RBFOX1: variants seen among roughly 807,000 people sequenced by gnomAD.
RBFOX1 encodes RNA binding protein fox-1 homolog 1.
RBFOX1 carries 8 observed loss-of-function variants against 57.7 expected under a neutral mutation model. The ratio of observed to expected loss-of-function variants is 0.14; its 90% confidence interval spans 0.08 to 0.25. The LOEUF (loss-of-function observed/expected upper bound fraction) is 0.25. Ranked by LOEUF, RBFOX1 falls within the 10% of genes least tolerant of loss-of-function variation. The pLI is 1.00. For missense variants in RBFOX1, 611 were observed against 548.5 expected, an observed-to-expected ratio of 1.11 and a Z score of -1.14; for synonymous variants, 326 against 222.4, an observed-to-expected ratio of 1.47 and a Z score of -4.15.
chr16:7,468,997 C>T (rs898631681), intron 4 of RBFOX1, among the ~76,000 whole-genome samples: 2 of 151,930 alleles, frequency 1.3e-5, no homozygotes, highest in Admixed American at 1.3e-4. Flanking sequence ...GCAGTGTTGC[C>T]ATCTCGGCTC....
chr16:7,705,285 T>C (rs143327194), intron 14 of RBFOX1, among the ~76,000 whole-genome samples: 3,639 of 152,142 alleles, frequency 0.024, 136 homozygotes, highest in African/African-American at 0.077. Flanking sequence ...GGCAGGAGGA[T>C]CACGAGGTCA....
chr16:7,117,130 A>G (rs926697915), intron 4 of RBFOX1, among the ~76,000 whole-genome samples: 2 of 152,142 alleles, frequency 1.3e-5, no homozygotes, highest in Admixed American at 1.3e-4. Context: ...AGTAGGGTTG[A>G]AGAAAAGATA....
intron 2 of RBFOX1, among the ~76,000 whole-genome samples, chr16:6,623,445 T>TC (rs1567928996): frequency 5.6e-5 from 3 of 53,242 alleles, no homozygotes; most frequent in Non-Finnish European, 1.6e-4. Flanking sequence ...TGAAAATTCT[T>TC]TTTTTTTTTT....
intron 4 of RBFOX1, among the ~76,000 whole-genome samples, chr16:7,353,470 G>C (rs1003960860): frequency 6.6e-6 from 1 of 152,114 alleles, no homozygotes; most frequent in African/African-American, 2.4e-5. Flanking sequence ...ATATATTCAA[G>C]ATAATTAAAA....
intron 4 of RBFOX1, among the ~76,000 whole-genome samples, chr16:7,301,790 A>T (rs945200001): frequency 6.6e-6 from 1 of 152,176 alleles, no homozygotes; most frequent in Non-Finnish European, 1.5e-5. Context: ...CGTACAGCAG[A>T]TTGCTTGACG....
chr16:6,921,354 C>T (rs1352228293), intron 3 of RBFOX1, among the ~76,000 whole-genome samples: 3 of 152,166 alleles, frequency 2.0e-5, no homozygotes, highest in East Asian at 1.9e-4. Context: ...GTTGTGTTCA[C>T]ATTTGGAGGC....
chr16:6,104,520 T>A (rs773504405), intron 1 of RBFOX1, among the ~76,000 whole-genome samples: 51 of 152,186 alleles, frequency 3.4e-4, no homozygotes, highest in Admixed American at 5.9e-4. Flanking sequence ...TTTAGAACAC[T>A]GTCCTCTCCT....
At chr16:7,470,594 G>A (rs140438423) in intron 4 of RBFOX1, among the ~76,000 whole-genome samples, 3 of 151,990 alleles carry the variant, frequency 2.0e-5, no homozygotes, top group Non-Finnish European at 2.9e-5. Flanking sequence ...ATGGATGGGC[G>A]GATGGATGGA....
In RBFOX1 at chr16:5,422,110, G is replaced by A. The variant is rs377166598; in HGVS notation, c.220-45106G>A. Among the ~76,000 whole-genome samples, 264 of 152,226 alleles carry A rather than the reference G, an allele frequency of 1.7e-3. 1 individual carries two copies. The highest frequency in any genetic ancestry group is 6.2e-3 in the African/African-American group (259 of 41,536). ...TTGCTCCTGAAAATCTAGCCCATGCGAATAAAAGTACTAGTAAGCAAAGAT... is the reference window on the plus strand; with the variant it reads ...TTGCTCCTGAAAATCTAGCCCATGCAAATAAAAGTACTAGTAAGCAAAGAT... On this transcript the variant is annotated intron_variant, in intron 1 of 2. Transcript: ENST00000585867.
At position 6,274,723 on chromosome 16, in the gene RBFOX1, C is replaced by T. The variant is rs891578706; in HGVS notation, c.-126-42272C>T. Among the ~76,000 whole-genome samples, 4 of 152,158 alleles carry T rather than the reference C, an allele frequency of 2.6e-5. No homozygotes were observed. In the South Asian group the frequency reaches 8.3e-4, roughly 32 times the overall value. On this transcript the variant is annotated intron_variant, in intron 1 of 15. Transcript: ENST00000550418. ...ACACAGGATCTCTGTAACATTATTG[C>T]CTACAAATTCATATGAATCTAGAAT... is the stretch of plus-strand genomic sequence containing the variant.
At chr16:6,868,840 C>T (rs568788174) in intron 3 of RBFOX1, among the ~76,000 whole-genome samples, 3 of 152,156 alleles carry the variant, frequency 2.0e-5, no homozygotes, top group Non-Finnish European at 2.9e-5. Context: ...TGCCATATGA[C>T]TTACTTTGAC....
At chr16:6,161,976 G>T (rs1197847514) in intron 1 of RBFOX1, among the ~76,000 whole-genome samples, 1 of 152,096 alleles carries the variant, frequency 6.6e-6, no homozygotes, top group African/African-American at 2.4e-5. Context: ...GCCAACTAAG[G>T]GTACTTATTT....
chr16:6,980,297 A>G (rs1244060427), intron 3 of RBFOX1, among the ~76,000 whole-genome samples: 3 of 152,208 alleles, frequency 2.0e-5, no homozygotes, highest in South Asian at 2.1e-4. Flanking sequence ...GATATGAACA[A>G]TAGTTCTTCC....
chr16:5,693,296 C>T (rs17510536), intron 3 of RBFOX1, among the ~76,000 whole-genome samples: 29,594 of 151,180 alleles, frequency 0.2, 4,210 homozygotes, highest in East Asian at 0.65. Flanking sequence ...AACTGTAGAC[C>T]TTTGCATTAA....
chr16:6,949,940 T>G (rs1354140927), intron 3 of RBFOX1, among the ~76,000 whole-genome samples: 1 of 144,068 alleles, frequency 6.9e-6, no homozygotes, highest in East Asian at 2.0e-4. Context: ...AGTACGTTTT[T>G]TTGTTGTTGT....
At chr16:7,435,328 C>T (rs7184786) in intron 4 of RBFOX1, among the ~76,000 whole-genome samples, 87,840 of 151,760 alleles carry the variant, frequency 0.58, 29,089 homozygotes, top group Non-Finnish European at 0.75. Context: ...TTATGGGTTA[C>T]GGAGAGGAAG....
chr16:7,628,383 T>C (rs2060409574), intron 10 of RBFOX1, among the ~76,000 whole-genome samples: 2 of 152,132 alleles, frequency 1.3e-5, no homozygotes, highest in Admixed American at 1.3e-4. Context: ...CAGAAGCACA[T>C]AGATAACCGC....
intron 4 of RBFOX1, among the ~76,000 whole-genome samples, chr16:5,931,498 G>A (rs879518477): frequency 6.6e-6 from 1 of 152,120 alleles, no homozygotes; most frequent in African/African-American, 2.4e-5. Context: ...GGCTGAAAAA[G>A]CAACAGATGC....
At chr16:6,425,698 C>T (rs777980588) in intron 2 of RBFOX1, among the ~76,000 whole-genome samples, 1 of 151,884 alleles carries the variant, frequency 6.6e-6, no homozygotes, top group Middle Eastern at 3.2e-3. Context: ...CTGGTTTATT[C>T]TGTGGATCTA....
Sources: gnomAD v4.1 joint callset for allele counts (sites outside exome capture counted in the v4.1 genomes callset) on GRCh38, gnomAD v4.1.1 for gene constraint, MANE v1.5 for transcripts, NCBI Gene and HGNC (gene_info 2026-07-23, HGNC 2026-07-21) for gene names.